LPP: variants seen among roughly 807,000 people sequenced by gnomAD.
LPP encodes the protein LIM domain containing preferred translocation partner in lipoma.
In LPP, 38 loss-of-function variants were observed where a neutral mutation model predicts 60.4. The observed-to-expected ratio is 0.63, with a 90% CI of 0.49 to 0.83. The LOEUF is 0.83. LPP is among the 40% of genes least tolerant of loss of function. The probability of loss-of-function intolerance (pLI) is 0.00; values close to 1 mark genes in which losing one functional copy is unlikely to be tolerated. For synonymous variants in LPP, 328 were observed against 290.8 expected, an observed-to-expected ratio of 1.13 and a Z score of -1.30; for missense variants, 902 against 783.6, an observed-to-expected ratio of 1.15 and a Z score of -1.80.
chr3:188,830,621 A>T (rs1317865679), intron 9 of LPP, among the ~76,000 whole-genome samples: 1 of 151,922 alleles, frequency 6.6e-6, no homozygotes, highest in East Asian at 1.9e-4. Flanking sequence ...CAAAAAAAAA[A>T]ATGCTTCCCC....
chr3:188,848,951 C>T (rs3843394), intron 9 of LPP, among the ~76,000 whole-genome samples: 32,942 of 148,422 alleles, frequency 0.22, 5,250 homozygotes, highest in East Asian at 0.8. Context: ...GATGACAGAA[C>T]GAGACTCTGT....
intron 7 of LPP, among the ~76,000 whole-genome samples, chr3:188,696,222 A>ACTCTCTCTCTCTCTCT (rs147482649): frequency 6.7e-6 from 1 of 148,826 alleles, no homozygotes; most frequent in African/African-American, 2.5e-5. Flanking sequence ...AGCACACAGT[A>ACTCTCTCTCTCTCTCT]CTCTCTCTCT....
rs537816694 is a variant in LPP, at chr3:188,585,464, G to A, written c.430-23697G>A. ...ACTGAATGAATTCATGGGGAGTATA[G>A]TAGAAAAGATTTTCTCACAACTCTG... On this transcript the variant is annotated intron_variant, in intron 6 of 11. Coordinates refer to ENST00000617246, the MANE Select transcript of LPP (RefSeq NM_001375462.1). Among the ~76,000 whole-genome samples, 4 of 152,244 alleles carry A rather than the reference G, an allele frequency of 2.6e-5. No individual in the cohort carries two copies. In the East Asian group the frequency reaches 7.7e-4, roughly 29 times the overall value.
intron 6 of LPP, among the ~76,000 whole-genome samples, chr3:188,545,324 TA>T (rs1826327408): frequency 6.6e-6 from 1 of 150,638 alleles, no homozygotes; most frequent in East Asian, 2.0e-4. Context: ...GAAAAAAAAG[TA>T]AGCTTTGTTT....
chr3:188,411,410 G>C (rs938185060), intron 4 of LPP, among the ~76,000 whole-genome samples: 7 of 151,966 alleles, frequency 4.6e-5, no homozygotes, highest in Non-Finnish European at 8.8e-5. Flanking sequence ...CCCACTACTG[G>C]GTATCTACCC....
intron 1 of LPP, among the ~76,000 whole-genome samples, chr3:188,203,367 T>A (rs1240709525): frequency 1.7e-4 from 18 of 103,708 alleles, no homozygotes; most frequent in Non-Finnish European, 3.1e-4. Context: ...TATATTTATA[T>A]AAATATATAT....
chr3:188,792,170 G>A (rs374869454), intron 9 of LPP, among the ~76,000 whole-genome samples: 1 of 152,268 alleles, frequency 6.6e-6, no homozygotes, highest in African/African-American at 2.4e-5. Flanking sequence ...AGAGTTTGTA[G>A]GACAGGATAC....
chr3:188,320,223 C>T (rs1479014141), intron 2 of LPP, among the ~76,000 whole-genome samples: 1 of 152,202 alleles, frequency 6.6e-6, no homozygotes, highest in East Asian at 1.9e-4. Flanking sequence ...CACACTCCAA[C>T]ACATTTGCAA....
intron 7 of LPP, among the ~76,000 whole-genome samples, chr3:188,619,330 C>A (rs183052642): frequency 1.7e-3 from 254 of 152,242 alleles, no homozygotes; most frequent in African/African-American, 5.9e-3. Context: ...TGGACAGAAA[C>A]CATGCTTTAT....
intron 6 of LPP, among the ~76,000 whole-genome samples, chr3:188,539,580 G>C (rs1026480538): frequency 6.6e-6 from 1 of 152,144 alleles, no homozygotes; most frequent in Non-Finnish European, 1.5e-5. Flanking sequence ...TCCTTCATTG[G>C]AGCATTTGAA....
chr3:188,802,030 T>C (rs945264137), intron 9 of LPP, among the ~76,000 whole-genome samples: 1 of 152,212 alleles, frequency 6.6e-6, no homozygotes, highest in African/African-American at 2.4e-5. Flanking sequence ...TTCTTTTTTT[T>C]CTGAAAGTCT....
chr3:188,294,981 G>A (rs961517508), intron 2 of LPP, among the ~76,000 whole-genome samples: 2 of 152,176 alleles, frequency 1.3e-5, no homozygotes, highest in Non-Finnish European at 2.9e-5. Flanking sequence ...CTTGTTTTGT[G>A]TTTGAGTATA....
At chr3:188,375,173 T>C (rs1321891126) in intron 3 of LPP, among the ~76,000 whole-genome samples, 1 of 152,170 alleles carries the variant, frequency 6.6e-6, no homozygotes, top group Non-Finnish European at 1.5e-5. Flanking sequence ...ATTCTCTTTT[T>C]TGGTTGTGTC....
At chr3:188,392,103 A>G (rs939763685) in intron 3 of LPP, among the ~76,000 whole-genome samples, 1 of 152,218 alleles carries the variant, frequency 6.6e-6, no homozygotes, top group Non-Finnish European at 1.5e-5. Flanking sequence ...CATGTCTTCC[A>G]TAAGGCTTTG....
At chr3:188,659,176 T>A (rs1355655443) in intron 7 of LPP, among the ~76,000 whole-genome samples, 5 of 152,208 alleles carry the variant, frequency 3.3e-5, no homozygotes, top group African/African-American at 4.8e-5. Flanking sequence ...TTCTTCAGCA[T>A]TAGATGGCTG....
At chr3:188,619,749 T>C (rs1272396136) in intron 7 of LPP, among the ~76,000 whole-genome samples, 1 of 152,228 alleles carries the variant, frequency 6.6e-6, no homozygotes, top group African/African-American at 2.4e-5. Flanking sequence ...TAGATTCTTA[T>C]TAAAAGTTCT....
At chr3:188,833,669 A>G (rs1476605591) in intron 9 of LPP, among the ~76,000 whole-genome samples, 2 of 152,156 alleles carry the variant, frequency 1.3e-5, no homozygotes, top group African/African-American at 4.8e-5. Context: ...TTACAAATCC[A>G]GCCACTTTGC....
At chr3:188,342,990 C>T (rs1018294491) in intron 3 of LPP, among the ~76,000 whole-genome samples, 1 of 151,192 alleles carries the variant, frequency 6.6e-6, no homozygotes, top group Non-Finnish European at 1.5e-5. Flanking sequence ...GCTAGTTTAC[C>T]CAGGAAGTTT....
intron 9 of LPP, among the ~76,000 whole-genome samples, chr3:188,842,672 T>G (rs1001598372): frequency 6.6e-6 from 1 of 151,896 alleles, no homozygotes; most frequent in Non-Finnish European, 1.5e-5. Context: ...TATATTTATT[T>G]CTATTTTATA....
Sources: gnomAD v4.1 joint callset for allele counts (sites outside exome capture counted in the v4.1 genomes callset) on GRCh38, gnomAD v4.1.1 for gene constraint, MANE v1.5 for transcripts, NCBI Gene and HGNC (gene_info 2026-07-23, HGNC 2026-07-21) for gene names.